ZNF236: variants seen among roughly 807,000 people sequenced by gnomAD.
The protein encoded by ZNF236 is zinc finger protein 236, also known as regulated by glucose.
Under a neutral mutation model 191.2 loss-of-function variants are expected in ZNF236, and 50 were observed. The ratio of observed to expected loss-of-function variants is 0.26; its 90% CI spans 0.21 to 0.33. The LOEUF (loss-of-function observed/expected upper bound fraction) is 0.33, where lower values mean the gene tolerates loss of function less well. Ranked by LOEUF, ZNF236 falls within the 10% of genes least tolerant of loss-of-function variation. The pLI, the probability that ZNF236 is intolerant of heterozygous loss-of-function variation, is 1.00. For missense variants in ZNF236, 1,754 were observed against 2,374.5 expected, an observed-to-expected ratio of 0.74 and a Z score of 5.43; for synonymous variants, 907 against 928.8, an observed-to-expected ratio of 0.98 and a Z score of 0.43.
intron 9 of ZNF236, among the ~76,000 whole-genome samples, chr18:76,883,066 C>G (rs541720975): frequency 1.1e-4 from 17 of 152,296 alleles, no homozygotes; most frequent in African/African-American, 2.4e-4. Context: ...GTCCTTAGAC[C>G]GAGAAGGTGA....
At chr18:76,895,482 T>A in intron 10 of ZNF236, 197 bp downstream of exon 10, 1 of 737,186 alleles carries the variant, frequency 1.4e-6, no homozygotes, top group South Asian at 1.8e-5. Context: ...CCCACACCGG[T>A]ACTGCCCACA....
intron 25 of ZNF236, among the ~76,000 whole-genome samples, chr18:76,931,615 A>C (rs10164090): frequency 0.016 from 2,502 of 152,322 alleles, 66 homozygotes; most frequent in African/African-American, 0.057. Context: ...ATTTTCTGAC[A>C]CCAGCTGAAA....
rs1016701663 is a variant in ZNF236, at chr18:76,875,210, T to A, written c.668-282T>A. Reference sequence around the variant, plus strand: ...CCAAAGATAAGGATGACTCCAAGGTTTTTTGCCTGATCCCCTGGAAGGATG... The same window carrying A: ...CCAAAGATAAGGATGACTCCAAGGTATTTTGCCTGATCCCCTGGAAGGATG... On this transcript the variant is annotated intron_variant, in intron 5 of 30. Transcript: ENST00000320610. The surrounding 1 kb of genome is among the most constrained non-coding windows in gnomAD (Gnocchi z 4.3). Among the ~76,000 whole-genome samples the A allele has an allele frequency of 6.6e-6, 1 of 151,974 alleles. No homozygotes were observed. Among genetic ancestry groups the A allele is most frequent in the African/African-American group, 2.4e-5 (1 of 41,382 alleles).
At chr18:76,926,441 T>C (rs994525966) in intron 22 of ZNF236, among the ~76,000 whole-genome samples, 10 of 151,666 alleles carry the variant, frequency 6.6e-5, no homozygotes, top group African/African-American at 2.4e-4. Flanking sequence ...ATAAAGTAGG[T>C]TTCTGGGGTG....
intron 3 of ZNF236, among the ~76,000 whole-genome samples, chr18:76,861,706 C>T (rs1372241623): frequency 6.6e-6 from 1 of 152,074 alleles, no homozygotes; most frequent in Admixed American, 6.6e-5. Context: ...TCTAAGGTTC[C>T]AGCCACAGTG....
Position 76,895,016 on chromosome 18 carries a change from C to A in ZNF236, c.1421C>A (p.Ser474Tyr), listed in dbSNP as rs1217801083. Residue 474 changes from serine (S) to tyrosine (Y), a missense_variant, in exon 10 of 31, where the codon TCC becomes TAC. Around this residue, in one of 5 missense-constraint regions of ZNF236, gnomAD observed 126 missense variants for 110.9 expected, o/e 1.14. Coordinates refer to ENST00000320610, the MANE Select transcript of ZNF236 (RefSeq NM_001306089.2). ...IKKKSPFLPGSIREENGVRWH... is the reference protein window; with the variant it reads ...IKKKSPFLPGYIREENGVRWH... ...GACGTGTCCTCTCCCTTCACAGGCTCCATCCGCGAGGAGAACGGCGTGCGC... is the reference window on the plus strand; with the variant it reads ...GACGTGTCCTCTCCCTTCACAGGCTACATCCGCGAGGAGAACGGCGTGCGC... The A allele has an allele frequency of 2.5e-6, 4 of 1,608,672 alleles. No homozygotes were observed. The highest frequency in any genetic ancestry group is 3.4e-6 in the Non-Finnish European group (4 of 1,179,900).
At chr18:76,828,470 C>CT (rs751229618) in intron 1 of ZNF236, among the ~76,000 whole-genome samples, 4 of 152,158 alleles carry the variant, frequency 2.6e-5, no homozygotes, top group Admixed American at 6.5e-5. Context: ...GCCTGCCAGA[C>CT]TTTATCCTTT....
rs775854187 is a variant in ZNF236 at position 76,881,394 on chromosome 18, C to T, written c.1299C>T (p.Ser433=). The change falls in exon 9 of 31, where the codon AGC becomes AGT. Residue 433 remains serine (S), a synonymous_variant. Transcript: ENST00000320610. ...ACGCTCAAAACCCAGATGTTTCCAG[C>T]GTTTCAAATGAGCAGACGGACCCCA... is the stretch of plus-strand genomic sequence containing the variant. The part of the protein sequence containing the change: ...APHAQNPDVS[S]VSNEQTDPTD... 63 of 1,613,740 alleles carry T rather than the reference C, an allele frequency of 3.9e-5. 2 individuals carry two copies. Among genetic ancestry groups the T allele is most frequent in the Middle Eastern group, 1.6e-4 (1 of 6,084 alleles).
In ZNF236 at chr18:76,880,057, C is replaced by A; in HGVS notation, c.985-56C>A. On this transcript the variant is annotated intron_variant, in intron 7 of 30. Coordinates refer to ENST00000320610, the MANE Select transcript of ZNF236 (RefSeq NM_001306089.2). The surrounding 1 kb of genome is among the most constrained non-coding windows in gnomAD (Gnocchi z 5.0). Reference sequence around the variant, plus strand: ...GCCTGTTTTTTTTTTTTTAATTTTCCTTTTTAAATTGAAGAGCAAAATTGT... The same window carrying A: ...GCCTGTTTTTTTTTTTTTAATTTTCATTTTTAAATTGAAGAGCAAAATTGT... 5 of 1,423,302 alleles carry A rather than the reference C, an allele frequency of 3.5e-6. No individual in the cohort carries two copies. Among genetic ancestry groups the A allele is most frequent in the African/African-American group, 1.5e-5 (1 of 67,928 alleles). 88.2% of individuals were successfully genotyped at this position (1,423,302 alleles called of 1,614,324 possible).
At position 76,903,488 on chromosome 18, in the gene ZNF236, A is replaced by G. The variant is rs79170276; in HGVS notation, c.1895-892A>G. 6.1e-3 allele frequency among the ~76,000 whole-genome samples: 936 copies of G among 152,322 alleles called. 5 individuals carry two copies. Among genetic ancestry groups the G allele is most frequent in the African/African-American group, 0.021 (881 of 41,572 alleles). On this transcript the variant is annotated intron_variant, in intron 11 of 30. Transcript: ENST00000320610. Reference sequence around the variant, plus strand: ...AAAAACAGAGTGTGTTCAGAGGTGCATCATGCTAATCATTGTATAGCAGTT... The same window carrying G: ...AAAAACAGAGTGTGTTCAGAGGTGCGTCATGCTAATCATTGTATAGCAGTT...
intron 30 of ZNF236, among the ~76,000 whole-genome samples, chr18:76,966,493 C>A (rs1283649987): frequency 1.3e-5 from 2 of 152,180 alleles, no homozygotes; most frequent in Non-Finnish European, 2.9e-5. Flanking sequence ...CTGGACAGAG[C>A]TTTCTGTAGG....
intron 27 of ZNF236, 118 bp downstream of exon 27, chr18:76,947,770 T>C: frequency 7.9e-7 from 1 of 1,266,430 alleles, no homozygotes; most frequent in East Asian, 2.7e-5. Context: ...TGGGGCTGAC[T>C]TCTGAGGTGT....
intron 20 of ZNF236, among the ~76,000 whole-genome samples, 164 bp downstream of exon 20, chr18:76,920,222 T>G (rs1331148157): frequency 6.6e-6 from 1 of 152,220 alleles, no homozygotes; most frequent in African/African-American, 2.4e-5. Context: ...AAGCTTGAAT[T>G]AGTTCTCTGT....
intron 18 of ZNF236, 62 bp downstream of exon 18, chr18:76,913,960 A>G: frequency 1.3e-6 from 2 of 1,570,760 alleles, no homozygotes; most frequent in Non-Finnish European, 1.7e-6. Flanking sequence ...ATTGAGATAT[A>G]ATCCATATAC....
rs759746333 is a variant in ZNF236 at position 76,908,538 on chromosome 18, A to G, written c.2516A>G (p.Gln839Arg). 5 of 1,611,972 alleles carry G rather than the reference A, an allele frequency of 3.1e-6. No homozygotes were observed. Among genetic ancestry groups the G allele is most frequent in the Non-Finnish European group, 4.2e-6 (5 of 1,179,284 alleles). The change falls in exon 14 of 31, where the codon CAG becomes CGG. Residue 839 changes from glutamine to arginine, a missense_variant. By Grantham distance (43) the Gln-to-Arg change is conservative. This residue lies in a region of ZNF236 where 641 missense variants were observed against 869.6 expected (regional missense o/e 0.74). Coordinates refer to ENST00000320610, the MANE Select transcript of ZNF236 (RefSeq NM_001306089.2). The part of the protein sequence containing the change: ...VVGTEEAGLG[Q>R]QLADQPLEAD... ...GGCACGGAGGAAGCAGGGCTGGGCC[A>G]GCAGTTGGCAGATCAGCCCCTGGAA...
At chr18:76,828,946 G>C (rs1015855874) in intron 1 of ZNF236, among the ~76,000 whole-genome samples, 14 of 151,508 alleles carry the variant, frequency 9.2e-5, no homozygotes, top group Admixed American at 9.2e-4. Flanking sequence ...TTACATGTGT[G>C]AGCCACCGTG....
intron 25 of ZNF236, among the ~76,000 whole-genome samples, chr18:76,933,077 C>T (rs1032501061): frequency 6.6e-6 from 1 of 152,186 alleles, no homozygotes; most frequent in African/African-American, 2.4e-5. Flanking sequence ...TGCAAGGCTC[C>T]CACATGTTAT....
At position 76,925,542 on chromosome 18, in the gene ZNF236, G is replaced by C. The variant is rs1417260689; in HGVS notation, c.4015G>C (p.Ala1339Pro). ...PGLVGQAILP[A>P]SVSAGGDLTV... is the part of the protein sequence containing the mutation. The stretch of plus-strand genomic sequence containing the variant: ...ACTGGTGGGCCAAGCTATTCTCCCT[G>C]CCTCTGTGTCAGGTAAACGCTGAGC... Residue 1339 changes from alanine (A) to proline (P), a missense_variant, in exon 22 of 31, where the codon GCC becomes CCC. By Grantham distance (27) the Ala-to-Pro change is conservative. Coordinates refer to ENST00000320610, the MANE Select transcript of ZNF236 (RefSeq NM_001306089.2). This position sits in a 1 kb window ranked among gnomAD's most constrained non-coding sequence, Gnocchi z 5.7. The C allele has an allele frequency of 3.1e-6, 5 of 1,612,800 alleles. No individual in the cohort carries two copies. Among genetic ancestry groups the C allele is most frequent in the Non-Finnish European group, 3.4e-6 (4 of 1,179,930 alleles).
chr18:76,925,062 G>T lies in ZNF236; in HGVS notation c.3662-127G>T, dbSNP rs1967636980. ...TCCGTAACATCTTATAGGTGAAAGG[G>T]ATTCTCATTAAAGTACTTCCATCCA... On this transcript the variant is annotated intron_variant, in intron 21 of 30. Coordinates refer to ENST00000320610, the MANE Select transcript of ZNF236 (RefSeq NM_001306089.2). The surrounding 1 kb of genome is among the most constrained non-coding windows in gnomAD (Gnocchi z 5.7). The T allele has an allele frequency of 5.1e-6, 7 of 1,382,188 alleles. No homozygotes were observed. The highest frequency in any genetic ancestry group is 2.3e-5 in the East Asian group (1 of 43,476). The allele number at this position is 1,382,188 out of a possible 1,614,324, so 85.6% of individuals were successfully genotyped here.
Sources: allele counts gnomAD v4.1 joint callset (sites outside exome capture counted in the v4.1 genomes callset), GRCh38; gene constraint gnomAD v4.1.1; regional missense constraint gnomAD v4.1.1; non-coding constraint Gnocchi (gnomAD v3.1); transcripts MANE v1.5; gene names NCBI Gene and HGNC (gene_info 2026-07-23, HGNC 2026-07-21).